PCDH9: variants seen among roughly 807,000 people sequenced by gnomAD.
PCDH9 encodes the protein protocadherin 9.
In PCDH9, 24 loss-of-function variants were observed where a neutral mutation model predicts 70.6. That is an observed-to-expected ratio of 0.34 (90% CI 0.25 to 0.48). PCDH9 has a LOEUF of 0.48. PCDH9 is among the 20% of genes least tolerant of loss of function. The pLI is 0.99. For missense variants in PCDH9, 1,281 were observed against 1,503.6 expected (o/e 0.85, Z 2.45); for synonymous variants, 562 against 558.5 (o/e 1.01, Z -0.09).
intron 3 of PCDH9, among the ~76,000 whole-genome samples, chr13:66,632,916 C>T (rs890111432): frequency 1.3e-5 from 2 of 151,690 alleles, no homozygotes; most frequent in Admixed American, 1.3e-4. Context: ...TTTTCTAGTA[C>T]CTAAAATTTG....
intron 4 of PCDH9, among the ~76,000 whole-genome samples, chr13:66,597,611 C>T (rs774332656): frequency 1.3e-5 from 2 of 151,658 alleles, no homozygotes; most frequent in East Asian, 3.9e-4. Flanking sequence ...CAACAAGACC[C>T]GAAACCATAA....
intron 3 of PCDH9, among the ~76,000 whole-genome samples, chr13:66,863,164 G>A (rs950266440): frequency 6.6e-6 from 1 of 152,140 alleles, no homozygotes; most frequent in Non-Finnish European, 1.5e-5. Context: ...ACAAAAGCAA[G>A]ATACAAATAA....
intron 2 of PCDH9, among the ~76,000 whole-genome samples, chr13:66,936,013 G>A (rs1045332155): frequency 6.6e-6 from 1 of 152,052 alleles, no homozygotes; most frequent in Non-Finnish European, 1.5e-5. Flanking sequence ...GGAATCCAGG[G>A]GGCAGAGGTT....
intron 2 of PCDH9, among the ~76,000 whole-genome samples, chr13:67,170,524 C>T (rs2088251730): frequency 6.6e-6 from 1 of 152,060 alleles, no homozygotes; most frequent in East Asian, 1.9e-4. Flanking sequence ...AAAGGAGATT[C>T]TATGAAAGAC....
At chr13:66,606,342 C>T (rs891575299) in intron 4 of PCDH9, among the ~76,000 whole-genome samples, 4 of 152,020 alleles carry the variant, frequency 2.6e-5, no homozygotes, top group Admixed American at 1.3e-4. Flanking sequence ...CTAGGCACCA[C>T]GAATGCAACA....
chr13:66,568,784 T>C (rs1210950100), intron 4 of PCDH9, among the ~76,000 whole-genome samples: 1 of 151,344 alleles, frequency 6.6e-6, no homozygotes, highest in East Asian at 1.9e-4. Flanking sequence ...TTCAAAAATA[T>C]AGGTGCATCT....
chr13:66,420,724 G>C (rs1957551716), intron 4 of PCDH9, among the ~76,000 whole-genome samples: 2 of 151,212 alleles, frequency 1.3e-5, no homozygotes, highest in African/African-American at 4.9e-5. Flanking sequence ...ATGAAGATGA[G>C]GAAAAACCAG....
At chr13:66,322,756 A>C (rs1955777600) in intron 4 of PCDH9, among the ~76,000 whole-genome samples, 1 of 152,044 alleles carries the variant, frequency 6.6e-6, no homozygotes, top group Non-Finnish European at 1.5e-5. Flanking sequence ...GTGATTTTAT[A>C]ATTAGTATTT....
intron 4 of PCDH9, among the ~76,000 whole-genome samples, chr13:66,471,075 A>G (rs189566156): frequency 6.6e-6 from 1 of 152,090 alleles, no homozygotes; most frequent in East Asian, 1.9e-4. Context: ...ATGATTCCTT[A>G]TCGTGTAAGC....
intron 4 of PCDH9, among the ~76,000 whole-genome samples, chr13:66,429,430 GTT>G (rs5804281): frequency 6.9e-6 from 1 of 145,000 alleles, no homozygotes; most frequent in East Asian, 2.0e-4. Flanking sequence ...TATTTTTTCT[GTT>G]TTTTTTTTTT....
At chr13:66,609,994 G>C (rs886537873) in intron 4 of PCDH9, among the ~76,000 whole-genome samples, 10 of 124,002 alleles carry the variant, frequency 8.1e-5, no homozygotes, top group African/African-American at 3.2e-4. Flanking sequence ...GTCTCGCTCT[G>C]TCGCCCAGGC....
At chr13:66,757,405 A>G (rs2079553870) in intron 3 of PCDH9, among the ~76,000 whole-genome samples, 1 of 152,190 alleles carries the variant, frequency 6.6e-6, no homozygotes, top group Non-Finnish European at 1.5e-5. Flanking sequence ...CTAAGGGCTT[A>G]GTTTAAATTA....
intron 4 of PCDH9, among the ~76,000 whole-genome samples, chr13:66,599,699 C>G (rs2077143388): frequency 6.6e-6 from 1 of 151,676 alleles, no homozygotes; most frequent in African/African-American, 2.4e-5. Flanking sequence ...TCAGCCTCAC[C>G]TCAGCCTCAG....
intron 3 of PCDH9, among the ~76,000 whole-genome samples, chr13:66,745,898 CT>C (rs1409538829): frequency 6.6e-6 from 1 of 152,124 alleles, no homozygotes; most frequent in Non-Finnish European, 1.5e-5. Flanking sequence ...AACATTTTTA[CT>C]TTGCTCAAGC....
chr13:66,898,637 T>C (rs1184023759), intron 3 of PCDH9, among the ~76,000 whole-genome samples: 2 of 151,758 alleles, frequency 1.3e-5, no homozygotes. Flanking sequence ...AACAGGAAAA[T>C]AAAGGTGTGT....
chr13:66,419,025 C>T (rs1394046353), intron 4 of PCDH9, among the ~76,000 whole-genome samples: 9 of 152,180 alleles, frequency 5.9e-5, no homozygotes, highest in Admixed American at 2.0e-4. Flanking sequence ...TACACCCTCC[C>T]TAGACTAAAT....
intron 4 of PCDH9, among the ~76,000 whole-genome samples, chr13:66,362,275 T>C (rs1340511679): frequency 2.6e-5 from 4 of 152,144 alleles, no homozygotes; most frequent in Non-Finnish European, 2.9e-5. Context: ...TATTCTCCAG[T>C]GAGATATAGA....
chr13:66,577,832 A>C (rs1490659524), intron 4 of PCDH9, among the ~76,000 whole-genome samples: 2 of 152,076 alleles, frequency 1.3e-5, no homozygotes, highest in Non-Finnish European at 2.9e-5. Context: ...AAAACCTAGA[A>C]AATGACAGAT....
At chr13:66,874,510 A>G (rs2081761071) in intron 3 of PCDH9, among the ~76,000 whole-genome samples, 2 of 152,158 alleles carry the variant, frequency 1.3e-5, no homozygotes, top group Non-Finnish European at 2.9e-5. Context: ...GTCATTAATT[A>G]AAATAAGGCC....
Sources: gnomAD v4.1 joint callset for allele counts (sites outside exome capture counted in the v4.1 genomes callset) on GRCh38, gnomAD v4.1.1 for gene constraint, MANE v1.5 for transcripts, NCBI Gene and HGNC (gene_info 2026-07-23, HGNC 2026-07-21) for gene names.